STRN: variants seen among roughly 807,000 people sequenced by gnomAD.
The protein encoded by STRN is striatin, also known as protein phosphatase 2 regulatory subunit B'''alpha.
In STRN, 53 loss-of-function variants were observed where a neutral mutation model predicts 96.3. The ratio of observed to expected loss-of-function variants is 0.55; its 90% confidence interval spans 0.44 to 0.69. STRN has a LOEUF of 0.69. Ranked by LOEUF, STRN falls within the 30% of genes least tolerant of loss-of-function variation. The pLI is 0.00. For synonymous variants in STRN, 428 were observed against 355.9 expected, an observed-to-expected ratio of 1.20 and a Z score of -2.28; for missense variants, 987 against 963.9, an observed-to-expected ratio of 1.02 and a Z score of -0.32.
chr2:36,849,612 TG>T lies in STRN; in HGVS notation c.2186del (p.Ser729Ter). On this transcript the variant is annotated frameshift_variant, in exon 18 of 18. Coordinates refer to ENST00000263918, the MANE Select transcript of STRN (RefSeq NM_003162.4). LOFTEE classifies it high-confidence loss of function. Reference protein sequence around the residue: ...LYLMSGSHDCSIRLWNLESKT... With the variant: ...LYLMSGSHDCXIRLWNLESKT... ...TACTTTCTAGATTCCATAAACGTAT[TG>T]AACAGTCATGACCTATATCCAAAAA... The T allele has an allele frequency of 1.2e-6, 2 of 1,614,090 alleles. No homozygotes were observed. The highest frequency in any genetic ancestry group is 1.7e-6 in the Non-Finnish European group (2 of 1,179,986).
rs893171750 is a variant in STRN, at chr2:36,839,039, C to T, written c.*10417G>A. 6.6e-6 allele frequency among the ~76,000 whole-genome samples: 1 copy of T among 152,110 alleles called. No individual in the cohort carries two copies. Among genetic ancestry groups the T allele is most frequent in the African/African-American group, 2.4e-5 (1 of 41,404 alleles). On this transcript the variant is annotated 3_prime_UTR_variant, in exon 18 of 18. Coordinates refer to ENST00000263918, the MANE Select transcript of STRN (RefSeq NM_003162.4). Reference sequence around the variant, plus strand: ...GTGCAGCATAATATGTAGAATAAAACCCCATATGTAATAACTGGGTATACA... The same window carrying T: ...GTGCAGCATAATATGTAGAATAAAATCCCATATGTAATAACTGGGTATACA...
intron 3 of STRN, among the ~76,000 whole-genome samples, chr2:36,909,087 C>A (rs960674328): frequency 6.8e-6 from 1 of 147,556 alleles, no homozygotes; most frequent in Non-Finnish European, 1.5e-5. Context: ...ACCAAGGAGG[C>A]GAAGGTTGCA....
chr2:36,868,766 T>C (rs1295836634), intron 11 of STRN, among the ~76,000 whole-genome samples: 1 of 152,134 alleles, frequency 6.6e-6, no homozygotes, highest in African/African-American at 2.4e-5. Context: ...TTTCCTCCAT[T>C]GGTAGTAAAA....
intron 1 of STRN, among the ~76,000 whole-genome samples, chr2:36,932,860 AAATT>A (rs1158446400): frequency 6.6e-6 from 1 of 152,178 alleles, no homozygotes; most frequent in African/African-American, 2.4e-5. Flanking sequence ...TTAAAGCACT[AAATT>A]AATTACACCC....
At chr2:36,955,682 C>T (rs944234674) in intron 1 of STRN, among the ~76,000 whole-genome samples, 5 of 152,188 alleles carry the variant, frequency 3.3e-5, no homozygotes, top group African/African-American at 1.2e-4. Flanking sequence ...TATCTACAAG[C>T]TATCACCACT....
chr2:36,864,304 C>T (rs1446993425), intron 12 of STRN, among the ~76,000 whole-genome samples: 7 of 152,070 alleles, frequency 4.6e-5, no homozygotes, highest in African/African-American at 1.4e-4. Flanking sequence ...TCATAGATGG[C>T]TCTTAATATT....
chr2:36,864,807 G>C (rs530082261), intron 12 of STRN, among the ~76,000 whole-genome samples: 1 of 152,290 alleles, frequency 6.6e-6, no homozygotes, highest in East Asian at 1.9e-4. Context: ...CTGCCTCCCA[G>C]TTTCAAGTGA....
chr2:36,926,148 C>G (rs1670403211), intron 1 of STRN, among the ~76,000 whole-genome samples: 1 of 152,082 alleles, frequency 6.6e-6, no homozygotes, highest in Non-Finnish European at 1.5e-5. Context: ...ATTACTAAAA[C>G]CCTACATTTG....
chr2:36,851,723 G>A (rs749849922), intron 15 of STRN, among the ~76,000 whole-genome samples: 1 of 152,150 alleles, frequency 6.6e-6, no homozygotes, highest in Non-Finnish European at 1.5e-5. Flanking sequence ...GCTACTTTAA[G>A]TAAGTTCTAT....
intron 1 of STRN, among the ~76,000 whole-genome samples, chr2:36,961,917 T>C (rs1407016450): frequency 6.6e-6 from 1 of 151,076 alleles, no homozygotes; most frequent in East Asian, 2.0e-4. Flanking sequence ...CCCCCAGCTG[T>C]TCCTTCTGTG....
intron 1 of STRN, among the ~76,000 whole-genome samples, chr2:36,931,156 T>C (rs1049807670): frequency 6.6e-6 from 1 of 152,128 alleles, no homozygotes; most frequent in Non-Finnish European, 1.5e-5. Flanking sequence ...CCCTTTTTAC[T>C]CCACAGAAGT....
rs542762782 is a variant in STRN at position 36,880,218 on chromosome 2, T to A, written c.1187-2191A>T. Among the ~76,000 whole-genome samples the A allele has an allele frequency of 3.9e-5, 6 of 152,384 alleles. 1 individual carries two copies. In the South Asian group the frequency reaches 1.2e-3, roughly 32 times the overall value. On this transcript the variant is annotated intron_variant, in intron 9 of 17. Coordinates refer to ENST00000263918, the MANE Select transcript of STRN (RefSeq NM_003162.4). ...CCTGACCTCAAGCGATCTCCCTGCC[T>A]TGGCCTCCCAAAGTGTTGGGATTAC...
At chr2:36,885,864 A>G (rs1669208748) in intron 8 of STRN, among the ~76,000 whole-genome samples, 1 of 152,072 alleles carries the variant, frequency 6.6e-6, no homozygotes, top group Non-Finnish European at 1.5e-5. Context: ...AAATAATCAA[A>G]TTCCTATTAC....
At chr2:36,888,667 G>GTA (rs1669307258) in intron 7 of STRN, among the ~76,000 whole-genome samples, 1 of 150,600 alleles carries the variant, frequency 6.6e-6, no homozygotes, top group South Asian at 2.1e-4. Flanking sequence ...GTGTGTGTGT[G>GTA]TGTGCATTTA....
intron 1 of STRN, among the ~76,000 whole-genome samples, chr2:36,960,352 C>T (rs1664996917): frequency 6.6e-6 from 1 of 152,190 alleles, no homozygotes. Context: ...CAACCATTCA[C>T]TCCCATTAAA....
chr2:36,857,767 G>C (rs1321710957), intron 14 of STRN, 89 bp downstream of exon 14: 1 of 1,076,128 alleles, frequency 9.3e-7, no homozygotes, highest in Non-Finnish European at 1.3e-6. Context: ...TAAATTTAAA[G>C]AGTTCAGGGA....
chr2:36,877,871 A>G lies in STRN; in HGVS notation c.1323+20T>C. On this transcript the variant is annotated intron_variant, in intron 10 of 17. Transcript: ENST00000263918. ...TTTTAAAAACCAAGTAAACACAACA[A>G]AAACAAAACTACTACTTACATCATA... 6.2e-7 allele frequency: 1 copy of G among 1,612,122 alleles called. No homozygotes were observed. The highest frequency in any genetic ancestry group is 8.5e-7 in the Non-Finnish European group (1 of 1,179,486).
In STRN at chr2:36,842,292, T is replaced by C. The variant is rs897710295; in HGVS notation, c.*7164A>G. 2.6e-5 allele frequency: 4 copies of C among 152,162 alleles called. No homozygotes were observed. Among genetic ancestry groups the C allele is most frequent in the Admixed American group, 6.6e-5 (1 of 15,256 alleles). 9.4% of individuals were successfully genotyped at this position (152,162 alleles called of 1,614,324 possible). On this transcript the variant is annotated 3_prime_UTR_variant, in exon 18 of 18. Coordinates refer to ENST00000263918, the MANE Select transcript of STRN (RefSeq NM_003162.4). ...TTGATGCTATTAGAATTTTTAAAAA[T>C]CTTTTGTTTGAGGCAATGAATTGGG...
intron 5 of STRN, among the ~76,000 whole-genome samples, chr2:36,901,570 CA>C (rs1424564477): frequency 0.031 from 4,091 of 131,726 alleles, 91 homozygotes; most frequent in African/African-American, 0.074. Context: ...AAAAAAAAAA[CA>C]TTTATACTAT....
Sources: gnomAD v4.1 joint callset for allele counts (sites outside exome capture counted in the v4.1 genomes callset) on GRCh38, gnomAD v4.1.1 for gene constraint, MANE v1.5 for transcripts, NCBI Gene and HGNC (gene_info 2026-07-23, HGNC 2026-07-21) for gene names.